Variants in JAKMIP1 observed in about 807,000 individuals in gnomAD.
JAKMIP1 encodes janus kinase and microtubule interacting protein 1, also known as janus kinase and microtubule-interacting protein 1.
JAKMIP1 carries 33 observed loss-of-function variants against 113.0 expected under a neutral mutation model. The ratio of observed to expected loss-of-function variants is 0.29; its 90% CI spans 0.22 to 0.39. The LOEUF is 0.39. JAKMIP1 is among the 10% of genes least tolerant of loss of function. The pLI is 1.00. For synonymous variants in JAKMIP1, 480 were observed against 459.9 expected, an observed-to-expected ratio of 1.04 and a Z score of -0.56; for missense variants, 813 against 1,080.5, an observed-to-expected ratio of 0.75 and a Z score of 3.47.
chr4:6,048,854 T>C lies in JAKMIP1; in HGVS notation c.2028+3A>G. 1.2e-6 allele frequency: 2 copies of C among 1,613,254 alleles called. No homozygotes were observed. Among genetic ancestry groups the C allele is most frequent in the Non-Finnish European group, 1.7e-6 (2 of 1,179,162 alleles). ...TGAGCACAGAAATGCCGCTGGCTTC[T>C]ACCTTTTCACACAGGGCAAGCACAG... is the stretch of plus-strand genomic sequence containing the variant. On this transcript the variant is annotated splice_donor_region_variant and intron_variant, in intron 16 of 20. Transcript: ENST00000409021.
Position 6,127,019 on chromosome 4 carries a change from C to CCA in JAKMIP1, c.-147-14024_-147-14023dup, listed in dbSNP as rs143566821. 1.6e-4 allele frequency among the ~76,000 whole-genome samples: 24 copies of CCA among 150,996 alleles called. No homozygotes were observed. The South Asian group carries it at 1.7e-3, about 11-fold the overall frequency. On this transcript the variant is annotated intron_variant, in intron 1 of 20. Transcript: ENST00000409021. ...CATACAGAAACCCATACCACATATG[C>CCA]CACACACACACACAGAAGACACACC... is the stretch of plus-strand genomic sequence containing the variant.
rs1014672820 is a variant in JAKMIP1, at chr4:6,042,195, G to A, written c.2061C>T (p.Ala687=). The change falls in exon 17 of 21, where the codon GCC becomes GCT. Residue 687 remains alanine, a synonymous_variant. Transcript: ENST00000409021. The surrounding 1 kb of genome is among the most constrained non-coding windows in gnomAD (Gnocchi z 5.2). ...WLKQIEGTEA[A]LTQKMLDLEK... ...CCAGGTCCAGCATCTTCTGGGTCAGGGCGGCCTCGGTCCCCTCTATTTGCT... is the reference window on the plus strand; with the variant it reads ...CCAGGTCCAGCATCTTCTGGGTCAGAGCGGCCTCGGTCCCCTCTATTTGCT... The A allele has an allele frequency of 2.5e-6, 4 of 1,613,716 alleles. No individual in the cohort carries two copies. The highest frequency in any genetic ancestry group is 2.2e-5 in the East Asian group (1 of 44,888).
At chr4:6,075,806 G>A (rs1197019175) in intron 8 of JAKMIP1, among the ~76,000 whole-genome samples, 1 of 152,230 alleles carries the variant, frequency 6.6e-6, no homozygotes, top group East Asian at 1.9e-4. Context: ...GTCCTTGCCT[G>A]TTGTACAGGC....
chr4:6,055,164 G>C (rs1716207757), intron 12 of JAKMIP1, among the ~76,000 whole-genome samples: 1 of 152,060 alleles, frequency 6.6e-6, no homozygotes, highest in Admixed American at 6.6e-5. Flanking sequence ...ATGCTTAAAA[G>C]CTGAGGCCTA....
At position 6,192,836 on chromosome 4, in the gene JAKMIP1, G is replaced by A. The variant is rs1004244236; in HGVS notation, c.-148+7417C>T. Among the ~76,000 whole-genome samples the A allele has an allele frequency of 1.3e-5, 2 of 152,160 alleles. No individual in the cohort carries two copies. The highest frequency in any genetic ancestry group is 2.9e-5 in the Non-Finnish European group (2 of 68,034). On this transcript the variant is annotated intron_variant, in intron 1 of 20. Coordinates refer to ENST00000409021, the MANE Select transcript of JAKMIP1 (RefSeq NM_001099433.2). The surrounding 1 kb of genome is among the most constrained non-coding windows in gnomAD (Gnocchi z 5.0). The stretch of plus-strand genomic sequence containing the variant: ...ACTGATGGGAACCAGGGGCACAGCC[G>A]CTATCTGGGACAGTCAAAGACCTCC...
intron 1 of JAKMIP1, among the ~76,000 whole-genome samples, chr4:6,165,780 A>G (rs1218015686): frequency 6.6e-6 from 1 of 152,018 alleles, no homozygotes; most frequent in Non-Finnish European, 1.5e-5. Flanking sequence ...CAGAACTTAC[A>G]ATATCTCTAA....
Position 6,168,190 on chromosome 4 carries a change from G to A in JAKMIP1, c.-148+32063C>T, listed in dbSNP as rs991902693. Among the ~76,000 whole-genome samples the A allele has an allele frequency of 3.9e-5, 6 of 152,318 alleles. No homozygotes were observed. The highest frequency in any genetic ancestry group is 3.9e-4 in the East Asian group (2 of 5,180). Reference sequence around the variant, plus strand: ...CTGGACCCTTTATGCATTGCTGGTGGGGTCATGAAATGATGCAGCCACTTT... The same window carrying A: ...CTGGACCCTTTATGCATTGCTGGTGAGGTCATGAAATGATGCAGCCACTTT... On this transcript the variant is annotated intron_variant, in intron 1 of 20. Transcript: ENST00000409021. This position sits in a 1 kb window ranked among gnomAD's most constrained non-coding sequence, Gnocchi z 4.6.
chr4:6,062,362 G>A lies in JAKMIP1; in HGVS notation c.1510C>T (p.Leu504=). Reference sequence around the variant, plus strand: ...GTGCCTCCCACCTGCTCCTGGAGCAGGGCGTAGGCGCGTTGCAGGGCCTGG... The same window carrying A: ...GTGCCTCCCACCTGCTCCTGGAGCAAGGCGTAGGCGCGTTGCAGGGCCTGG... ...EYQALQRAYA[L]LQEQVGGTLD... The change falls in exon 10 of 21, where the codon CTG becomes TTG. Residue 504 remains leucine, a synonymous_variant. Coordinates refer to ENST00000409021, the MANE Select transcript of JAKMIP1 (RefSeq NM_001099433.2). 6.2e-7 allele frequency: 1 copy of A among 1,613,654 alleles called. No individual in the cohort carries two copies.
chr4:6,189,890 C>T (rs184104167), intron 1 of JAKMIP1, among the ~76,000 whole-genome samples: 3 of 152,022 alleles, frequency 2.0e-5, no homozygotes, highest in East Asian at 1.9e-4. Flanking sequence ...CGAGAGCAGC[C>T]GGGGGACTGT....
At chr4:6,175,739 C>T (rs1725273706) in intron 1 of JAKMIP1, among the ~76,000 whole-genome samples, 1 of 152,246 alleles carries the variant, frequency 6.6e-6, no homozygotes, top group Non-Finnish European at 1.5e-5. Flanking sequence ...ATCCGTGGCT[C>T]TCTCGGCACC....
chr4:6,128,497 C>G (rs185050552), intron 1 of JAKMIP1, among the ~76,000 whole-genome samples: 4 of 152,252 alleles, frequency 2.6e-5, no homozygotes, highest in Admixed American at 2.6e-4. Context: ...GGTCCAAGCC[C>G]GTGGGCTGGG....
At chr4:6,174,630 G>C (rs1374986681) in intron 1 of JAKMIP1, among the ~76,000 whole-genome samples, 4 of 152,118 alleles carry the variant, frequency 2.6e-5, no homozygotes, top group African/African-American at 7.2e-5. Flanking sequence ...GCAGCCCTCA[G>C]TTTCCCCATC....
chr4:6,039,349 C>G (rs546007092), intron 18 of JAKMIP1, among the ~76,000 whole-genome samples: 1 of 152,212 alleles, frequency 6.6e-6, no homozygotes, highest in Non-Finnish European at 1.5e-5. Flanking sequence ...ACATTCCTCT[C>G]GGAGCCTCAA....
intron 1 of JAKMIP1, among the ~76,000 whole-genome samples, chr4:6,182,992 C>CGCTCAGCTCA (rs1212356358): frequency 5.3e-5 from 8 of 152,332 alleles, no homozygotes; most frequent in African/African-American, 1.9e-4. Context: ...CCCTTCCTCC[C>CGCTCAGCTCA]GCTCAGCTCA....
Position 6,198,640 on chromosome 4 carries a change from C to A in JAKMIP1, c.-148+1613G>T, listed in dbSNP as rs73077447. On this transcript the variant is annotated intron_variant, in intron 1 of 20. Transcript: ENST00000409021. ...CATTACAGACCGGTACACACCTCAA[C>A]AGCAACAAAAATCTTGCAACAAGCC... is the stretch of plus-strand genomic sequence containing the variant. Among the ~76,000 whole-genome samples, 601 of 152,360 alleles carry A rather than the reference C, an allele frequency of 3.9e-3. 6 individuals are homozygous for A. Among genetic ancestry groups the A allele is most frequent in the African/African-American group, 0.014 (574 of 41,586 alleles).
chr4:6,042,793 C>T lies in JAKMIP1; in HGVS notation c.2029-566G>A, dbSNP rs989701639. On this transcript the variant is annotated intron_variant, in intron 16 of 20. Coordinates refer to ENST00000409021, the MANE Select transcript of JAKMIP1 (RefSeq NM_001099433.2). The surrounding 1 kb of genome is among the most constrained non-coding windows in gnomAD (Gnocchi z 5.2). Reference sequence around the variant, plus strand: ...TGGAGCAGCCCAGAGTGCCTGGTGCCACCATGAGAGGAGGTGGAATCACAC... The same window carrying T: ...TGGAGCAGCCCAGAGTGCCTGGTGCTACCATGAGAGGAGGTGGAATCACAC... Among the ~76,000 whole-genome samples the T allele has an allele frequency of 1.3e-5, 2 of 152,036 alleles. No homozygotes were observed. The highest frequency in any genetic ancestry group is 2.4e-5 in the African/African-American group (1 of 41,380).
chr4:6,027,719 G>C (rs1171879875), intron 20 of JAKMIP1, among the ~76,000 whole-genome samples: 1 of 152,172 alleles, frequency 6.6e-6, no homozygotes, highest in Non-Finnish European at 1.5e-5. Flanking sequence ...TTTGAGAAAA[G>C]AGTCGAAAAA....
Position 6,094,453 on chromosome 4 carries a change from C to T in JAKMIP1, c.625-8824G>A, listed in dbSNP as rs966999940. On this transcript the variant is annotated intron_variant, in intron 3 of 20. Coordinates refer to ENST00000409021, the MANE Select transcript of JAKMIP1 (RefSeq NM_001099433.2). This position sits in a 1 kb window ranked among gnomAD's most constrained non-coding sequence, Gnocchi z 4.2. ...AAACAGCCTGGCCCCAGTGAGAGGG[C>T]TTGGCAGACAGGCATGGGAGTAAAC... Among the ~76,000 whole-genome samples, 1 of 152,174 alleles carries T rather than the reference C, an allele frequency of 6.6e-6. No homozygotes were observed. Among genetic ancestry groups the T allele is most frequent in the South Asian group, 2.1e-4 (1 of 4,820 alleles).
intron 3 of JAKMIP1, among the ~76,000 whole-genome samples, chr4:6,098,542 A>G (rs868349675): frequency 0.019 from 673 of 35,572 alleles, 8 homozygotes; most frequent in South Asian, 0.037. Context: ...GAGAGAGAGA[A>G]AGAAAAAGAA....
Sources: allele counts gnomAD v4.1 joint callset (sites outside exome capture counted in the v4.1 genomes callset), GRCh38; gene constraint gnomAD v4.1.1; non-coding constraint Gnocchi (gnomAD v3.1); transcripts MANE v1.5; gene names NCBI Gene and HGNC (gene_info 2026-07-23, HGNC 2026-07-21).